Variants in DDX23 observed in about 807,000 individuals in gnomAD.
The protein encoded by DDX23 is DEAD-box helicase 23.
A neutral mutation model predicts 102.7 loss-of-function variants in DDX23; 33 were observed. That is an observed-to-expected ratio of 0.32 (90% confidence interval 0.24 to 0.43). DDX23 has a LOEUF of 0.43. Ranked by LOEUF, DDX23 falls within the 20% of genes least tolerant of loss-of-function variation. The probability of loss-of-function intolerance (pLI) is 1.00; values close to 1 mark genes in which losing one functional copy is unlikely to be tolerated. For synonymous variants in DDX23, 352 were observed against 376.0 expected, an observed-to-expected ratio of 0.94 and a Z score of 0.74; for missense variants, 549 against 1,086.6, an observed-to-expected ratio of 0.51 and a Z score of 6.96.
chr12:48,839,484 G>C (rs1938514018), intron 5 of DDX23: 1 of 168,582 alleles, frequency 5.9e-6, no homozygotes, highest in Non-Finnish European at 1.2e-5. Flanking sequence ...GCTTCAGCCT[G>C]GGAGGTGGAG....
At position 48,832,358 on chromosome 12, in the gene DDX23, T is replaced by TA; in HGVS notation, c.1955+63dup. 6.3e-7 allele frequency: 1 copy of TA among 1,591,350 alleles called. No individual in the cohort carries two copies. The highest frequency in any genetic ancestry group is 8.6e-7 in the Non-Finnish European group (1 of 1,164,828). ...CAATTGCCCTGCCCTGCACCTGCACTAAAAAAGTTCTCAGAGCCATTTTAT... is the reference window on the plus strand; with the variant it reads ...CAATTGCCCTGCCCTGCACCTGCACTAAAAAAAGTTCTCAGAGCCATTTTAT... On this transcript the variant is annotated intron_variant, in intron 14 of 16. Transcript: ENST00000308025. This position sits in a 1 kb window ranked among gnomAD's most constrained non-coding sequence, Gnocchi z 4.4.
Position 48,839,927 on chromosome 12 carries a change from C to G in DDX23, c.415-18G>C. The G allele has an allele frequency of 6.2e-7, 1 of 1,614,120 alleles. No homozygotes were observed. The highest frequency in any genetic ancestry group is 8.5e-7 in the Non-Finnish European group (1 of 1,179,990). On this transcript the variant is annotated intron_variant, in intron 4 of 16. Coordinates refer to ENST00000308025, the MANE Select transcript of DDX23 (RefSeq NM_004818.3). ...GGCTGGGCCTGAAGATAAAACAGAA[C>G]TTTAGTCTATAAAGGCTCTCTCCCT... is the stretch of plus-strand genomic sequence containing the variant.
intron 3 of DDX23, among the ~76,000 whole-genome samples, chr12:48,842,391 AAGG>A (rs1938576297): frequency 1.5e-5 from 2 of 131,054 alleles, no homozygotes; most frequent in South Asian, 5.1e-4. Flanking sequence ...CCCGTCCGGG[AAGG>A]AGGTGGGGGA....
intron 11 of DDX23, chr12:48,834,757 A>T (rs1303892766): frequency 3.2e-6 from 1 of 316,440 alleles, no homozygotes; most frequent in Admixed American, 4.7e-5. Flanking sequence ...AACATGGTGA[A>T]ACCCTGCCTC....
intron 6 of DDX23, 84 bp downstream of exon 6, chr12:48,837,858 G>T (rs1938486748): frequency 7.6e-6 from 12 of 1,586,332 alleles, no homozygotes; most frequent in Non-Finnish European, 1.0e-5. Flanking sequence ...GAGTGAACAG[G>T]TTTCTATCTC....
Position 48,836,217 on chromosome 12 carries a change from C to T in DDX23, c.1286G>A (p.Arg429His), listed in dbSNP as rs761752687. The T allele has an allele frequency of 1.9e-6, 3 of 1,614,010 alleles. No individual in the cohort carries two copies. The highest frequency in any genetic ancestry group is 1.7e-6 in the Non-Finnish European group (2 of 1,180,046). Residue 429 changes from arginine to histidine, a missense_variant, in exon 11 of 17, where the codon CGT becomes CAT. Arg to His is a conservative substitution (Grantham distance 29, BLOSUM62 0). Transcript: ENST00000308025. This position sits in a 1 kb window ranked among gnomAD's most constrained non-coding sequence, Gnocchi z 6.1. Reference sequence around the variant, plus strand: ...AGTCTCAGCCACACCAATGATGTCACGATTCTGTAGCCCAATGGGAATTGC... The same window carrying T: ...AGTCTCAGCCACACCAATGATGTCATGATTCTGTAGCCCAATGGGAATTGC... ...RQAIPIGLQN[R>H]DIIGVAETGS...
chr12:48,848,312 A>C (rs542773456), intron 1 of DDX23, among the ~76,000 whole-genome samples: 65 of 152,284 alleles, frequency 4.3e-4, no homozygotes, highest in African/African-American at 8.9e-4. Context: ...AAAAAACAAA[A>C]AAAAAAAGAA....
In DDX23 at chr12:48,840,151, C is replaced by T. The variant is rs375214522; in HGVS notation, c.321-45G>A. 3.1e-4 allele frequency: 455 copies of T among 1,484,272 alleles called. 2 individuals are homozygous for T. The African/African-American group carries it at 4.8e-3, about 16-fold the overall frequency. 91.9% of individuals were successfully genotyped at this position (1,484,272 alleles called of 1,614,324 possible). A position where few individuals can be genotyped will look rare whatever the true frequency, so the allele number is the denominator to read the frequency against. On this transcript the variant is annotated intron_variant, in intron 3 of 16. Transcript: ENST00000308025. The stretch of plus-strand genomic sequence containing the variant: ...GGTCCACATCACTCTTACTTCAGTG[C>T]CTGGATGAGGTTCAAGTTGAGCCCC...
chr12:48,844,160 T>TA, intron 2 of DDX23, 110 bp from the exon 3 acceptor site: 1 of 974,822 alleles, frequency 1.0e-6, no homozygotes, highest in South Asian at 1.3e-5. Flanking sequence ...TTTTACAAAT[T>TA]AGAGAATGTA....
rs76638718 is a variant in DDX23, at chr12:48,837,788, G to A, written c.620-131C>T. Reference sequence around the variant, plus strand: ...AGACTTATGATATGGGGTAAATGGAGATCTAACAGAAAAATGTTTTCTCAT... The same window carrying A: ...AGACTTATGATATGGGGTAAATGGAAATCTAACAGAAAAATGTTTTCTCAT... On this transcript the variant is annotated intron_variant, in intron 6 of 16. Coordinates refer to ENST00000308025, the MANE Select transcript of DDX23 (RefSeq NM_004818.3). 4.8e-3 allele frequency: 7,390 copies of A among 1,526,534 alleles called. 299 individuals are homozygous for A. The African/African-American group carries it at 0.09, about 19-fold the overall frequency. 94.6% of individuals were successfully genotyped at this position (1,526,534 alleles called of 1,614,324 possible). A position where few individuals can be genotyped will look rare whatever the true frequency, so the allele number is the denominator to read the frequency against.
At position 48,835,135 on chromosome 12, in the gene DDX23, C is replaced by A. The variant is rs761176775; in HGVS notation, c.1383-638G>T. 15 of 230,414 alleles carry A rather than the reference C, an allele frequency of 6.5e-5. No individual in the cohort carries two copies. The South Asian group carries it at 6.5e-4, about 10-fold the overall frequency. 14.3% of individuals were successfully genotyped at this position (230,414 alleles called of 1,614,324 possible). ...TCGAACACACCTGTAATCCCAGCTA[C>A]TTGGGAGGCTGAGGTAGGAGGATAT... On this transcript the variant is annotated intron_variant, in intron 11 of 16. Transcript: ENST00000308025.
intron 6 of DDX23, 29 bp downstream of exon 6, chr12:48,837,913 T>C (rs1363471644): frequency 6.2e-7 from 1 of 1,612,006 alleles, no homozygotes; most frequent in Non-Finnish European, 8.5e-7. Context: ...CTCTTCCATC[T>C]AGGGGCTACA....
chr12:48,834,559 G>C, intron 11 of DDX23, 62 bp from the exon 12 acceptor site: 9 of 1,518,258 alleles, frequency 5.9e-6, no homozygotes, highest in Non-Finnish European at 8.1e-6. Flanking sequence ...CCACAAGCCA[G>C]AGCAAGACAA....
chr12:48,849,895 C>T (rs948094096), intron 1 of DDX23, among the ~76,000 whole-genome samples: 1 of 152,164 alleles, frequency 6.6e-6, no homozygotes, highest in Non-Finnish European at 1.5e-5. Context: ...TGAGCCCAGG[C>T]TGAGGTGGAA....
At position 48,836,444 on chromosome 12, in the gene DDX23, A is replaced by G. The variant is rs974207326; in HGVS notation, c.1236+125T>C. On this transcript the variant is annotated intron_variant, in intron 10 of 16. Transcript: ENST00000308025. This position sits in a 1 kb window ranked among gnomAD's most constrained non-coding sequence, Gnocchi z 6.1. ...AAGCCAACACTTCTACCAGAAAGTG[A>G]CAGAAAAGGTCACATTGGTGCCCAC... is the stretch of plus-strand genomic sequence containing the variant. 2 of 1,250,958 alleles carry G rather than the reference A, an allele frequency of 1.6e-6. No homozygotes were observed. Among genetic ancestry groups the G allele is most frequent in the Middle Eastern group, 2.6e-4 (1 of 3,774 alleles). 77.5% of individuals were successfully genotyped at this position (1,250,958 alleles called of 1,614,324 possible).
chr12:48,845,230 G>A (rs967906304), intron 2 of DDX23, among the ~76,000 whole-genome samples: 3 of 151,204 alleles, frequency 2.0e-5, no homozygotes, highest in Non-Finnish European at 4.4e-5. Context: ...GAAGCAGGCA[G>A]ATCACGTCAG....
At chr12:48,838,158 G>A (rs1938493300) in intron 5 of DDX23, 78 bp from the exon 6 acceptor site, 1 of 1,588,862 alleles carries the variant, frequency 6.3e-7, no homozygotes, top group South Asian at 1.1e-5. Flanking sequence ...AGATGGCAGG[G>A]AACCCAAAAG....
At chr12:48,834,204 T>A in intron 12 of DDX23, 116 bp downstream of exon 12, 1 of 932,184 alleles carries the variant, frequency 1.1e-6, no homozygotes, top group Non-Finnish European at 1.6e-6. Context: ...AAATAGCACA[T>A]ATATATAAAC....
Position 48,838,017 on chromosome 12 carries a change from C to T in DDX23, c.544G>A (p.Glu182Lys). ...TCTTCAAGCATCCTCTGCCGCTCTT[C>T]CACCTCCTGCTGCCGTCGCTTTAGA... ...EALKRRQQEV[E>K]ERQRMLEEER... The change falls in exon 6 of 17, where the codon GAA becomes AAA. Residue 182 changes from glutamate to lysine, a missense_variant. By Grantham distance (56) the Glu-to-Lys change is moderately conservative. Around this residue, in one of 4 missense-constraint regions of DDX23, gnomAD observed 241 missense variants for 267.0 expected, o/e 0.90. Transcript: ENST00000308025. 1.2e-6 allele frequency: 2 copies of T among 1,614,212 alleles called. No individual in the cohort carries two copies. Among genetic ancestry groups the T allele is most frequent in the Non-Finnish European group, 1.7e-6 (2 of 1,180,044 alleles).
Sources: gnomAD v4.1 joint callset for allele counts (sites outside exome capture counted in the v4.1 genomes callset) on GRCh38, gnomAD v4.1.1 for gene constraint, gnomAD v4.1.1 regional missense constraint, Gnocchi (gnomAD v3.1) non-coding constraint, MANE v1.5 for transcripts, NCBI Gene and HGNC (gene_info 2026-07-23, HGNC 2026-07-21) for gene names.